Variants in MAN1C1 observed in about 807,000 individuals in gnomAD.
MAN1C1 encodes mannosidase alpha class 1C member 1.
In MAN1C1, 49 loss-of-function variants were observed where a neutral mutation model predicts 71.5. The observed-to-expected ratio is 0.69, with a 90% confidence interval of 0.54 to 0.87. MAN1C1 has a LOEUF of 0.87. Ranked by LOEUF, MAN1C1 falls within the 40% of genes least tolerant of loss-of-function variation. The pLI, the probability that MAN1C1 is intolerant of heterozygous loss-of-function variation, is 0.00. For synonymous variants in MAN1C1, 352 were observed against 343.7 expected, an observed-to-expected ratio of 1.02 and a Z score of -0.27; for missense variants, 743 against 835.0, an observed-to-expected ratio of 0.89 and a Z score of 1.36.
chr1:25,709,388 A>G (rs531708885), intron 2 of MAN1C1, among the ~76,000 whole-genome samples: 7 of 152,330 alleles, frequency 4.6e-5, no homozygotes, highest in African/African-American at 1.4e-4. Context: ...TAGGTACTCA[A>G]TAAATGTCTG....
At chr1:25,715,776 A>G (rs973874210) in intron 2 of MAN1C1, among the ~76,000 whole-genome samples, 1 of 152,216 alleles carries the variant, frequency 6.6e-6, no homozygotes, top group African/African-American at 2.4e-5. Context: ...AGCACTTCAC[A>G]TCTTTCTCTG....
intron 7 of MAN1C1, among the ~76,000 whole-genome samples, chr1:25,767,755 T>A (rs1311863486): frequency 8.2e-5 from 2 of 24,406 alleles, no homozygotes; most frequent in African/African-American, 3.1e-4. Context: ...ACACCCACAC[T>A]CCCCTCACAT....
rs757054975 is a variant in MAN1C1 at position 25,665,855 on chromosome 1, C to CTTTT, written c.541-20566_541-20563dup. On this transcript the variant is annotated intron_variant, in intron 1 of 11. Transcript: ENST00000374332. ...ATTTTCAGGTAATACTTGGCATTGGCTTTTTTTTTTTTTTTTTTTTTTGCA... is the reference window on the plus strand; with the variant it reads ...ATTTTCAGGTAATACTTGGCATTGGCTTTTTTTTTTTTTTTTTTTTTTTTTTGCA... Among the ~76,000 whole-genome samples the CTTTT allele has an allele frequency of 3.8e-3, 364 of 96,844 alleles. 22 individuals carry two copies. The highest frequency in any genetic ancestry group is 9.7e-3 in the African/African-American group (232 of 23,818). 63.5% of individuals were successfully genotyped at this position (96,844 alleles called of 152,430 possible).
intron 7 of MAN1C1, among the ~76,000 whole-genome samples, chr1:25,765,567 G>A (rs1404205050): frequency 1.3e-5 from 2 of 152,196 alleles, no homozygotes; most frequent in Admixed American, 1.3e-4. Flanking sequence ...TTGAACCTTG[G>A]TTTCCTGTCC....
chr1:25,773,590 C>T (rs541970563), intron 8 of MAN1C1, among the ~76,000 whole-genome samples: 69 of 152,282 alleles, frequency 4.5e-4, no homozygotes, highest in African/African-American at 1.6e-3. Context: ...TGGTGGTGGC[C>T]GGAGTGTGCT....
chr1:25,662,169 C>T (rs2045859031), intron 1 of MAN1C1, among the ~76,000 whole-genome samples: 1 of 152,238 alleles, frequency 6.6e-6, no homozygotes, highest in Non-Finnish European at 1.5e-5. Context: ...ACAAGAATGT[C>T]AGCTCCAGGA....
At chr1:25,744,744 AACACAAG>A (rs1237644417) in intron 2 of MAN1C1, among the ~76,000 whole-genome samples, 13 of 152,214 alleles carry the variant, frequency 8.5e-5, no homozygotes, top group Non-Finnish European at 1.9e-4. Context: ...GCCTTCAGTC[AACACAAG>A]TGAGCAGTTA....
At chr1:25,722,193 G>A (rs919842371) in intron 2 of MAN1C1, among the ~76,000 whole-genome samples, 4 of 152,066 alleles carry the variant, frequency 2.6e-5, no homozygotes, top group Non-Finnish European at 4.4e-5. Context: ...CTTTTCCCTG[G>A]AAGCTTATAG....
chr1:25,769,083 CACCT>C lies in MAN1C1; in HGVS notation c.1142-2572_1142-2569del, dbSNP rs1241355991. 6.8e-6 allele frequency among the ~76,000 whole-genome samples: 1 copy of C among 146,564 alleles called. No individual in the cohort carries two copies. The highest frequency in any genetic ancestry group is 2.5e-5 in the African/African-American group (1 of 39,692). ...CACACCACCCACACTCCCACACACACACCTATCACCCACACTCCCTCCCACACAC... is the reference window on the plus strand; with the variant it reads ...CACACCACCCACACTCCCACACACACATCACCCACACTCCCTCCCACACAC... On this transcript the variant is annotated intron_variant, in intron 7 of 11. Transcript: ENST00000374332. This position sits in a 1 kb window ranked among gnomAD's most constrained non-coding sequence, Gnocchi z 4.8.
At chr1:25,651,981 C>T (rs754789056) in intron 1 of MAN1C1, among the ~76,000 whole-genome samples, 8 of 152,164 alleles carry the variant, frequency 5.3e-5, no homozygotes, top group Non-Finnish European at 7.4e-5. Flanking sequence ...CAGAGACTGG[C>T]CTGAGCAGGG....
chr1:25,766,349 T>G (rs886331178), intron 7 of MAN1C1, among the ~76,000 whole-genome samples: 16 of 143,972 alleles, frequency 1.1e-4, no homozygotes, highest in Middle Eastern at 3.5e-3. Context: ...TTTTTGTTGG[T>G]TTTTTTTTTG....
At chr1:25,636,490 A>C (rs537822262) in intron 1 of MAN1C1, among the ~76,000 whole-genome samples, 1 of 152,180 alleles carries the variant, frequency 6.6e-6, no homozygotes. Flanking sequence ...GTCTGTTTAT[A>C]GGCTCTCTGC....
chr1:25,733,892 C>T (rs1396315591), intron 2 of MAN1C1, among the ~76,000 whole-genome samples: 4 of 150,692 alleles, frequency 2.7e-5, no homozygotes, highest in African/African-American at 7.3e-5. Flanking sequence ...CTCCGCCTCC[C>T]GTGCTCACGC....
At position 25,634,828 on chromosome 1, in the gene MAN1C1, AT is replaced by A. The variant is rs66846301; in HGVS notation, c.540+16492del. On this transcript the variant is annotated intron_variant, in intron 1 of 11. Transcript: ENST00000374332. The surrounding 1 kb of genome is among the most constrained non-coding windows in gnomAD (Gnocchi z 4.6). ...GAGCGAGACTCTGTCTCAAAAAAAA[AT>A]AATAATAAAATAAAATAAAAGAATG... 4.2e-3 allele frequency among the ~76,000 whole-genome samples: 646 copies of A among 152,140 alleles called. 4 individuals carry two copies. The highest frequency in any genetic ancestry group is 0.01 in the Middle Eastern group (3 of 294).
chr1:25,772,394 G>A (rs1476925018), intron 8 of MAN1C1: 1 of 152,710 alleles, frequency 6.5e-6, no homozygotes, highest in Non-Finnish European at 1.5e-5. Context: ...ACGAGGGCTG[G>A]AAGGCTGAGG....
chr1:25,743,368 T>C (rs555419133), intron 2 of MAN1C1, among the ~76,000 whole-genome samples: 3 of 152,318 alleles, frequency 2.0e-5, no homozygotes, highest in Non-Finnish European at 2.9e-5. Context: ...GTATAAATCA[T>C]GGTCTGTTTA....
intron 2 of MAN1C1, among the ~76,000 whole-genome samples, chr1:25,724,368 G>A (rs1285233263): frequency 6.6e-6 from 1 of 152,230 alleles, no homozygotes; most frequent in Middle Eastern, 3.4e-3. Context: ...GTGCCTGGGG[G>A]CAGCTGACTG....
intron 9 of MAN1C1, among the ~76,000 whole-genome samples, chr1:25,780,156 T>A (rs1448362392): frequency 6.6e-6 from 1 of 152,200 alleles, no homozygotes; most frequent in African/African-American, 2.4e-5. Context: ...AGCAATTACC[T>A]TACTAAAGAA....
intron 7 of MAN1C1, among the ~76,000 whole-genome samples, chr1:25,770,784 T>TC (rs1203880859): frequency 6.7e-6 from 1 of 148,878 alleles, no homozygotes; most frequent in African/African-American, 2.5e-5. Flanking sequence ...CTCTGCCCAT[T>TC]CCCCCCGCCC....
Sources: allele counts gnomAD v4.1 joint callset (sites outside exome capture counted in the v4.1 genomes callset), GRCh38; gene constraint gnomAD v4.1.1; non-coding constraint Gnocchi (gnomAD v3.1); transcripts MANE v1.5; gene names NCBI Gene and HGNC (gene_info 2026-07-23, HGNC 2026-07-21).